CSMD1: variants seen among roughly 807,000 people sequenced by gnomAD.
CSMD1 encodes the protein CUB and Sushi multiple domains 1.
Under a neutral mutation model 417.5 loss-of-function variants are expected in CSMD1, and 213 were observed. The ratio of observed to expected loss-of-function variants is 0.51; its 90% CI spans 0.46 to 0.57. The LOEUF (loss-of-function observed/expected upper bound fraction) is 0.57, where lower values mean the gene tolerates loss of function less well. Ranked by LOEUF, CSMD1 falls within the 20% of genes least tolerant of loss-of-function variation. The probability of loss-of-function intolerance (pLI) is 0.00; values close to 1 mark genes in which losing one functional copy is unlikely to be tolerated. For synonymous variants in CSMD1, 2,862 were observed against 1,736.8 expected (o/e 1.65, Z -16.11); for missense variants, 6,923 against 4,529.7 (o/e 1.53, Z -15.17).
At chr8:4,740,351 A>G (rs528449173) in intron 1 of CSMD1, among the ~76,000 whole-genome samples, 1 of 152,174 alleles carries the variant, frequency 6.6e-6, no homozygotes, top group Non-Finnish European at 1.5e-5. Flanking sequence ...AGCCATTTAA[A>G]TCCAAGGATT....
At chr8:3,596,401 C>T (rs113747155) in intron 8 of CSMD1, among the ~76,000 whole-genome samples, 5 of 152,136 alleles carry the variant, frequency 3.3e-5, no homozygotes, top group African/African-American at 7.2e-5. Flanking sequence ...GGGGCCTCCA[C>T]GATAAGTCAA....
chr8:4,579,002 T>A (rs1375977216), intron 2 of CSMD1, among the ~76,000 whole-genome samples: 1 of 151,852 alleles, frequency 6.6e-6, no homozygotes, highest in Non-Finnish European at 1.5e-5. Flanking sequence ...AAATTGAAAA[T>A]TGTACATAAA....
In CSMD1 at chr8:4,028,437, C is replaced by T. The variant is rs184236219; in HGVS notation, c.610+3468G>A. Among the ~76,000 whole-genome samples the T allele has an allele frequency of 3.3e-5, 5 of 151,922 alleles. No homozygotes were observed. In the East Asian group the frequency reaches 5.8e-4, roughly 18 times the overall value. On this transcript the variant is annotated intron_variant, in intron 4 of 69. Transcript: ENST00000635120. ...TGGTGGTAGTAGTAGCAGTCATCGC[C>T]GTCATATGCCATTATGAATACAATA...
At chr8:3,286,605 T>G (rs962900894) in intron 25 of CSMD1, among the ~76,000 whole-genome samples, 6 of 151,980 alleles carry the variant, frequency 3.9e-5, no homozygotes, top group Non-Finnish European at 8.8e-5. Flanking sequence ...TCATATGTTT[T>G]TTGGCTGCAT....
At chr8:3,257,656 C>T (rs930336072) in intron 26 of CSMD1, among the ~76,000 whole-genome samples, 4 of 152,078 alleles carry the variant, frequency 2.6e-5, no homozygotes, top group Non-Finnish European at 5.9e-5. Flanking sequence ...TACCTGGGGC[C>T]AAGGCTACTG....
intron 3 of CSMD1, among the ~76,000 whole-genome samples, chr8:4,311,795 C>A (rs887777828): frequency 6.7e-6 from 1 of 150,334 alleles, no homozygotes; most frequent in Non-Finnish European, 1.5e-5. Context: ...GGGAACAACA[C>A]ACACTAGGGC....
chr8:3,118,498 A>G lies in CSMD1; in HGVS notation c.6331T>C (p.Phe2111Leu). The G allele has an allele frequency of 6.2e-7, 1 of 1,613,928 alleles. No individual in the cohort carries two copies. Among genetic ancestry groups the G allele is most frequent in the African/African-American group, 1.3e-5 (1 of 75,048 alleles). ...SDYSVGQSVSFECYPGYILIG... is the reference protein window; with the variant it reads ...SDYSVGQSVSLECYPGYILIG... ...AGAATGTACCCAGGATAACACTCGA[A>G]AGATACTGATTGCCCCACGCTGTAA... The change falls in exon 42 of 70, where the codon TTC becomes CTC. Residue 2111 changes from phenylalanine (F) to leucine (L), a missense_variant. By Grantham distance (22) the Phe-to-Leu change is conservative. Transcript: ENST00000635120.
At chr8:3,984,041 G>C (rs1158839865) in intron 5 of CSMD1, among the ~76,000 whole-genome samples, 3 of 147,798 alleles carry the variant, frequency 2.0e-5, no homozygotes, top group Non-Finnish European at 4.6e-5. Flanking sequence ...GCACACGGCA[G>C]ATCTGATGGG....
chr8:4,612,365 G>A (rs1023146121), intron 2 of CSMD1, among the ~76,000 whole-genome samples: 12 of 151,906 alleles, frequency 7.9e-5, no homozygotes, highest in Non-Finnish European at 1.8e-4. Flanking sequence ...AAAAACAAGA[G>A]GAATGGTTTT....
intron 3 of CSMD1, among the ~76,000 whole-genome samples, chr8:4,204,246 C>G (rs754039990): frequency 4.0e-5 from 6 of 151,618 alleles, no homozygotes; most frequent in East Asian, 1.9e-4. Context: ...TTTCTAATAC[C>G]CATTTATGCA....
At chr8:4,983,608 T>C (rs77638356) in intron 1 of CSMD1, among the ~76,000 whole-genome samples, 5,981 of 152,258 alleles carry the variant, frequency 0.039, 139 homozygotes, top group Middle Eastern at 0.13. Context: ...CTGCAACCTC[T>C]GTCTCTAGGG....
chr8:3,799,229 C>G (rs970991696), intron 5 of CSMD1, among the ~76,000 whole-genome samples: 1 of 151,682 alleles, frequency 6.6e-6, no homozygotes, highest in Non-Finnish European at 1.5e-5. Flanking sequence ...ACTGATTCTA[C>G]AGTTTTTTTT....
rs1306058559 is a variant in CSMD1 at position 3,795,532 on chromosome 8, A to C, written c.819-41490T>G. ...ATATATCTATCATAGATATAGATATATATCTATCATAGATATAGATATATA... is the reference window on the plus strand; with the variant it reads ...ATATATCTATCATAGATATAGATATCTATCTATCATAGATATAGATATATA... On this transcript the variant is annotated intron_variant, in intron 5 of 69. Transcript: ENST00000635120. 9.9e-4 allele frequency among the ~76,000 whole-genome samples: 2 copies of C among 2,014 alleles called. 1 individual carries two copies. Among genetic ancestry groups the C allele is most frequent in the African/African-American group, 7.1e-3 (2 of 282 alleles). The allele number at this position is 2,014 out of a possible 152,430, so 1.3% of individuals were successfully genotyped here.
chr8:4,596,909 G>T (rs1266417310), intron 2 of CSMD1, among the ~76,000 whole-genome samples: 2 of 152,162 alleles, frequency 1.3e-5, no homozygotes, highest in Admixed American at 1.3e-4. Context: ...CACAAGATCT[G>T]ATGGGTTTAT....
Position 4,842,511 on chromosome 8 carries a change from A to C in CSMD1, c.85+151821T>G, listed in dbSNP as rs1011160833. ...ATAGTTTCAGGAAATGACTTACTAAAAAATGTAGCAAGTGTTCACTTACAG... is the reference window on the plus strand; with the variant it reads ...ATAGTTTCAGGAAATGACTTACTAACAAATGTAGCAAGTGTTCACTTACAG... On this transcript the variant is annotated intron_variant, in intron 1 of 69. Transcript: ENST00000635120. Among the ~76,000 whole-genome samples the C allele has an allele frequency of 2.6e-5, 4 of 152,220 alleles. 1 individual carries two copies. The highest frequency in any genetic ancestry group is 9.6e-5 in the African/African-American group (4 of 41,464).
At chr8:4,569,296 A>T (rs2130647349) in intron 2 of CSMD1, among the ~76,000 whole-genome samples, 1 of 152,302 alleles carries the variant, frequency 6.6e-6, no homozygotes. Flanking sequence ...TTAAGTCTTT[A>T]ATCCATCTTG....
In CSMD1 at chr8:3,799,048, T is replaced by C. The variant is rs868295731; in HGVS notation, c.819-45006A>G. ...TCTGAAAAAGTTAACAATCTTTGTA[T>C]AGTATGCTTAAATAATTAGAACATG... is the stretch of plus-strand genomic sequence containing the variant. On this transcript the variant is annotated intron_variant, in intron 5 of 69. Coordinates refer to ENST00000635120, the MANE Select transcript of CSMD1 (RefSeq NM_033225.6). Among the ~76,000 whole-genome samples the C allele has an allele frequency of 6.6e-5, 10 of 152,058 alleles. No individual in the cohort carries two copies. The South Asian group carries it at 1.0e-3, about 16-fold the overall frequency.
In CSMD1 at chr8:4,950,844, C is replaced by G. The variant is rs1178822374; in HGVS notation, c.85+43488G>C. 3.3e-5 allele frequency among the ~76,000 whole-genome samples: 5 copies of G among 152,204 alleles called. No individual in the cohort carries two copies. In the East Asian group the frequency reaches 5.8e-4, roughly 18 times the overall value. ...GACCATTAGGAGCACCACTCAACCA[C>G]TCTTGGTGTACCCTACCTTGGCTTA... On this transcript the variant is annotated intron_variant, in intron 1 of 69. Coordinates refer to ENST00000635120, the MANE Select transcript of CSMD1 (RefSeq NM_033225.6).
intron 1 of CSMD1, among the ~76,000 whole-genome samples, chr8:4,860,759 T>C (rs1351600230): frequency 6.6e-6 from 1 of 152,170 alleles, no homozygotes; most frequent in Non-Finnish European, 1.5e-5. Flanking sequence ...CATACGTTCC[T>C]GGTAATTTAT....
Sources: allele counts gnomAD v4.1 joint callset (sites outside exome capture counted in the v4.1 genomes callset), GRCh38; gene constraint gnomAD v4.1.1; transcripts MANE v1.5; gene names NCBI Gene and HGNC (gene_info 2026-07-23, HGNC 2026-07-21).